EVI5: variants seen among roughly 807,000 people sequenced by gnomAD.
The protein encoded by EVI5 is ecotropic viral integration site 5 protein homolog.
Under a neutral mutation model 112.0 loss-of-function variants are expected in EVI5, and 73 were observed. The ratio of observed to expected loss-of-function variants is 0.65; its 90% confidence interval spans 0.54 to 0.79. EVI5 has a LOEUF of 0.79. EVI5 is among the 30% of genes least tolerant of loss of function. The pLI, the probability that EVI5 is intolerant of heterozygous loss-of-function variation, is 0.00. For synonymous variants in EVI5, 305 were observed against 319.9 expected, an observed-to-expected ratio of 0.95 and a Z score of 0.50; for missense variants, 900 against 968.8, an observed-to-expected ratio of 0.93 and a Z score of 0.94.
upstream of EVI5, among the ~76,000 whole-genome samples, chr1:92,789,404 G>A (rs147296390): frequency 7.2e-3 from 1,087 of 151,944 alleles, 11 homozygotes; most frequent in African/African-American, 0.024. Context: ...CTGGGTTCAC[G>A]CCATTCTCCT....
At chr1:92,640,738 C>T (rs1381491884) in intron 13 of EVI5, among the ~76,000 whole-genome samples, 1 of 152,106 alleles carries the variant, frequency 6.6e-6, no homozygotes, top group Non-Finnish European at 1.5e-5. Flanking sequence ...GGCATATACC[C>T]AAAAGAATAC....
chr1:92,669,419 A>C (rs1665464468), intron 10 of EVI5, among the ~76,000 whole-genome samples: 1 of 151,870 alleles, frequency 6.6e-6, no homozygotes, highest in African/African-American at 2.4e-5. Flanking sequence ...ATGGTGGCGC[A>C]TGCCTGTAAT....
chr1:92,625,548 C>T (rs987548437), intron 15 of EVI5: 3 of 340,736 alleles, frequency 8.8e-6, no homozygotes, highest in African/African-American at 4.1e-5. Context: ...ACACAAGGCA[C>T]AATGGTACAA....
chr1:92,515,920 T>C (rs1182589752), intron 19 of EVI5, among the ~76,000 whole-genome samples: 1 of 152,188 alleles, frequency 6.6e-6, no homozygotes, highest in Non-Finnish European at 1.5e-5. Context: ...TATATTCCTG[T>C]GCCCTAGACC....
chr1:92,546,026 G>A (rs1041467956), intron 19 of EVI5, among the ~76,000 whole-genome samples: 1 of 152,042 alleles, frequency 6.6e-6, no homozygotes, highest in Non-Finnish European at 1.5e-5. Context: ...TTCTACTACA[G>A]TACTGCCCAC....
chr1:92,723,338 C>T (rs1033703922), intron 2 of EVI5, among the ~76,000 whole-genome samples: 18 of 152,076 alleles, frequency 1.2e-4, no homozygotes, highest in African/African-American at 3.6e-4. Context: ...CATGCTGTTG[C>T]GGGAAGTCAG....
At chr1:92,545,574 A>G (rs1365885137) in intron 19 of EVI5, among the ~76,000 whole-genome samples, 1 of 152,204 alleles carries the variant, frequency 6.6e-6, no homozygotes, top group Admixed American at 6.5e-5. Context: ...TGGCTCTGAA[A>G]CACACCTCAT....
chr1:92,751,973 G>A (rs752871776), intron 1 of EVI5, among the ~76,000 whole-genome samples: 2 of 151,930 alleles, frequency 1.3e-5, no homozygotes, highest in Non-Finnish European at 2.9e-5. Context: ...CCAAGATCAC[G>A]CCACTGCACT....
intron 9 of EVI5, among the ~76,000 whole-genome samples, chr1:92,681,662 T>C (rs1667609678): frequency 1.3e-5 from 2 of 152,150 alleles, no homozygotes; most frequent in African/African-American, 4.8e-5. Flanking sequence ...CCTCTACTGG[T>C]TTCCCCTCAG....
At chr1:92,725,774 T>C (rs1365647434) in intron 2 of EVI5, among the ~76,000 whole-genome samples, 1 of 149,124 alleles carries the variant, frequency 6.7e-6, no homozygotes, top group Non-Finnish European at 1.5e-5. Flanking sequence ...TAACCAATAA[T>C]GAGGTGGGGG....
At position 92,675,267 on chromosome 1, in the gene EVI5, G is replaced by A. The variant is rs543159249; in HGVS notation, c.1158+1891C>T. Among the ~76,000 whole-genome samples the A allele has an allele frequency of 9.9e-5, 15 of 152,224 alleles. 1 individual carries two copies. The highest frequency in any genetic ancestry group is 8.3e-4 in the South Asian group (4 of 4,818). On this transcript the variant is annotated intron_variant, in intron 10 of 19. Transcript: ENST00000684568. ...GCTGAGGTGAGAGGATCGCTTGAGC[G>A]CGGGAGGTCAAGGCTGCAAATGAGC...
intron 16 of EVI5, among the ~76,000 whole-genome samples, chr1:92,614,474 C>T (rs1021199061): frequency 6.6e-6 from 1 of 151,960 alleles, no homozygotes; most frequent in Non-Finnish European, 1.5e-5. Context: ...GAGGGTGTTG[C>T]CAAAAGAGAT....
At chr1:92,545,659 A>G (rs1665564585) in intron 19 of EVI5, among the ~76,000 whole-genome samples, 1 of 152,196 alleles carries the variant, frequency 6.6e-6, no homozygotes, top group African/African-American at 2.4e-5. Context: ...ATTATATTTT[A>G]TAGATTTCCT....
At chr1:92,721,190 G>T (rs531255635) in intron 2 of EVI5, among the ~76,000 whole-genome samples, 11 of 152,282 alleles carry the variant, frequency 7.2e-5, no homozygotes, top group African/African-American at 2.6e-4. Flanking sequence ...TATACCCAAA[G>T]GATTATAAAT....
In EVI5 at chr1:92,691,171, A is replaced by G. The variant is rs534332057; in HGVS notation, c.1097+2631T>C. ...AATCAATGGCAAAGACATTTTTGGC[A>G]CAACTGAGGAAATGTGAACATAGAC... On this transcript the variant is annotated intron_variant, in intron 9 of 19. Coordinates refer to ENST00000684568, the MANE Select transcript of EVI5 (RefSeq NM_001350197.2). Among the ~76,000 whole-genome samples, 3 of 152,334 alleles carry G rather than the reference A, an allele frequency of 2.0e-5. No homozygotes were observed. The South Asian group carries it at 6.2e-4, about 32-fold the overall frequency.
chr1:92,769,363 A>G (rs887646142), intron 1 of EVI5, among the ~76,000 whole-genome samples: 4 of 152,234 alleles, frequency 2.6e-5, no homozygotes, highest in Non-Finnish European at 5.9e-5. Flanking sequence ...TTTAAATTTT[A>G]CAAAATTAGA....
intron 18 of EVI5, among the ~76,000 whole-genome samples, chr1:92,596,898 T>G (rs1157380094): frequency 3.3e-5 from 5 of 152,220 alleles, no homozygotes; most frequent in Admixed American, 3.3e-4. Flanking sequence ...TTTTGGGGAC[T>G]CTACAATATT....
At chr1:92,684,229 G>A (rs1668105294) in intron 9 of EVI5, among the ~76,000 whole-genome samples, 1 of 152,168 alleles carries the variant, frequency 6.6e-6, no homozygotes, top group African/African-American at 2.4e-5. Context: ...CAAGCCAGAA[G>A]AGATTGGGGG....
At chr1:92,756,153 T>C in intron 1 of EVI5, 1 of 378,212 alleles carries the variant, frequency 2.6e-6, no homozygotes, top group Admixed American at 3.2e-5. Flanking sequence ...TTATGACTAA[T>C]ATGAATGTAG....
Sources: gnomAD v4.1 joint callset for allele counts (sites outside exome capture counted in the v4.1 genomes callset) on GRCh38, gnomAD v4.1.1 for gene constraint, MANE v1.5 for transcripts, NCBI Gene and HGNC (gene_info 2026-07-23, HGNC 2026-07-21) for gene names.